STK32B: variants seen among roughly 807,000 people sequenced by gnomAD.
STK32B encodes serine/threonine-protein kinase 32B.
STK32B carries 43 observed loss-of-function variants against 52.6 expected under a neutral mutation model. The observed-to-expected ratio is 0.82, with a 90% CI of 0.64 to 1.05. The LOEUF is 1.05. STK32B is among the 50% of genes least tolerant of loss of function. STK32B has a pLI of 0.00. For synonymous variants in STK32B, 238 were observed against 204.3 expected (o/e 1.17, Z -1.41); for missense variants, 621 against 534.6 (o/e 1.16, Z -1.59).
the STK32B span, among the ~76,000 whole-genome samples, chr4:5,029,424 C>G: frequency 6.6e-6 from 1 of 152,134 alleles, no homozygotes; most frequent in African/African-American, 2.4e-5. Context: ...AACATTCAAC[C>G]CAGTGTTGCT....
rs552064515 is a variant in STK32B, at chr4:5,188,005, C to T, written c.260+19555C>T. On this transcript the variant is annotated intron_variant, in intron 3 of 11. Coordinates refer to ENST00000282908, the MANE Select transcript of STK32B (RefSeq NM_018401.3). ...TACCCCTTGAAAGCCTCAGTTTCCT[C>T]GTGTAGGGCGCGCCTACAGCTCCCT... 7.2e-5 allele frequency among the ~76,000 whole-genome samples: 11 copies of T among 152,242 alleles called. No individual in the cohort carries two copies. The South Asian group carries it at 8.3e-4, about 11-fold the overall frequency.
At chr4:5,147,569 G>C (rs996099574) in intron 2 of STK32B, among the ~76,000 whole-genome samples, 5 of 151,984 alleles carry the variant, frequency 3.3e-5, no homozygotes, top group Non-Finnish European at 5.9e-5. Context: ...GTTTTTCAGA[G>C]ATGCTCTTTA....
chr4:5,164,934 T>G lies in STK32B; in HGVS notation c.109-3365T>G, dbSNP rs572062414. 1.2e-4 allele frequency among the ~76,000 whole-genome samples: 19 copies of G among 152,350 alleles called. No individual in the cohort carries two copies. The South Asian group carries it at 3.5e-3, about 28-fold the overall frequency. On this transcript the variant is annotated intron_variant, in intron 2 of 11. Transcript: ENST00000282908. ...CTCCTGGTCAGGTTAATTAAGCTGT[T>G]GTTACCAACCCTTCTTGGTCAGTGA... is the stretch of plus-strand genomic sequence containing the variant.
At chr4:5,430,267 C>G (rs1713461565) in intron 6 of STK32B, among the ~76,000 whole-genome samples, 1 of 152,198 alleles carries the variant, frequency 6.6e-6, no homozygotes, top group African/African-American at 2.4e-5. Context: ...ATGCCCTCTT[C>G]TCCCCATCCC....
intron 5 of STK32B, among the ~76,000 whole-genome samples, chr4:5,407,298 A>C (rs1043247902): frequency 6.6e-6 from 1 of 152,116 alleles, no homozygotes; most frequent in Non-Finnish European, 1.5e-5. Flanking sequence ...CATTTTGGTC[A>C]CAATTTAACA....
At position 5,159,690 on chromosome 4, in the gene STK32B, TATATGA is replaced by T. The variant is rs1718252142; in HGVS notation, c.109-8604_109-8599del. On this transcript the variant is annotated intron_variant, in intron 2 of 11. Transcript: ENST00000282908. The stretch of plus-strand genomic sequence containing the variant: ...ATGTATATGAATATATATATGAATA[TATATGA>T]ATATATATGAATATATATATGAATG... Among the ~76,000 whole-genome samples the T allele has an allele frequency of 2.7e-5, 3 of 113,188 alleles. 1 individual carries two copies. The Admixed American group carries it at 3.0e-4, about 11-fold the overall frequency. The allele number at this position is 113,188 out of a possible 152,430, so 74.3% of individuals were successfully genotyped here.
chr4:5,240,978 G>T (rs558582162), intron 3 of STK32B, among the ~76,000 whole-genome samples: 3 of 151,976 alleles, frequency 2.0e-5, no homozygotes, highest in Admixed American at 2.0e-4. Context: ...AGTTCTTTTT[G>T]TAAGTCCTTC....
chr4:5,435,732 A>G lies in STK32B; in HGVS notation c.563-10941A>G, dbSNP rs979550216. On this transcript the variant is annotated intron_variant, in intron 6 of 11. Transcript: ENST00000282908. Reference sequence around the variant, plus strand: ...GGGGATGAGGCACCAGAGAGAACACAACACTCTCTGCCCTCAAGGAGCTTG... The same window carrying G: ...GGGGATGAGGCACCAGAGAGAACACGACACTCTCTGCCCTCAAGGAGCTTG... The G allele has an allele frequency of 5.3e-5, 8 of 152,314 alleles. 1 individual carries two copies. The East Asian group carries it at 7.7e-4, about 15-fold the overall frequency. 9.4% of individuals were successfully genotyped at this position (152,314 alleles called of 1,614,324 possible).
intron 3 of STK32B, among the ~76,000 whole-genome samples, chr4:5,312,247 C>T (rs11726504): frequency 7.4e-6 from 1 of 135,990 alleles, no homozygotes; most frequent in South Asian, 2.2e-4. Context: ...GGTTTTACCG[C>T]TTACGTTTAG....
chr4:5,126,807 A>C (rs1243423812), intron 1 of STK32B, among the ~76,000 whole-genome samples: 1 of 152,238 alleles, frequency 6.6e-6, no homozygotes, highest in Non-Finnish European at 1.5e-5. Context: ...TGTAATATCT[A>C]AAACATGGCC....
At chr4:5,289,231 A>G (rs1042602503) in intron 3 of STK32B, among the ~76,000 whole-genome samples, 1 of 152,218 alleles carries the variant, frequency 6.6e-6, no homozygotes, top group African/African-American at 2.4e-5. Context: ...TTATGTATCT[A>G]AACATAGAAA....
chr4:5,441,331 T>C (rs1289338332), intron 6 of STK32B, among the ~76,000 whole-genome samples: 2 of 151,510 alleles, frequency 1.3e-5, no homozygotes, highest in Non-Finnish European at 3.0e-5. Context: ...GGTTTAGTCT[T>C]GGGAGAGTGT....
intron 3 of STK32B, among the ~76,000 whole-genome samples, chr4:5,270,043 G>C (rs1465210799): frequency 6.6e-6 from 1 of 152,164 alleles, no homozygotes; most frequent in African/African-American, 2.4e-5. Flanking sequence ...AGAAACATTT[G>C]ATAAAATCCA....
chr4:5,202,774 C>T (rs1316769033), intron 3 of STK32B, among the ~76,000 whole-genome samples: 2 of 152,246 alleles, frequency 1.3e-5, no homozygotes, highest in Admixed American at 1.3e-4. Context: ...TCATTGGTTC[C>T]ATCCCCTCAT....
intron 5 of STK32B, among the ~76,000 whole-genome samples, chr4:5,409,399 T>A (rs924559081): frequency 2.0e-5 from 3 of 152,090 alleles, no homozygotes; most frequent in Non-Finnish European, 4.4e-5. Context: ...CTAATTGTGA[T>A]TAATATGATT....
chr4:5,138,155 T>C (rs1716184583), intron 1 of STK32B, among the ~76,000 whole-genome samples: 1 of 152,110 alleles, frequency 6.6e-6, no homozygotes. Context: ...TGAAAGGAAA[T>C]AAATCTAAAT....
At chr4:5,125,620 A>G (rs73089686) in intron 1 of STK32B, among the ~76,000 whole-genome samples, 2,459 of 152,272 alleles carry the variant, frequency 0.016, 70 homozygotes, top group African/African-American at 0.056. Flanking sequence ...TTTGGAAGCT[A>G]CTGGGCCAAA....
At chr4:5,202,090 A>G (rs1347560139) in intron 3 of STK32B, among the ~76,000 whole-genome samples, 2 of 152,224 alleles carry the variant, frequency 1.3e-5, no homozygotes, top group Admixed American at 1.3e-4. Context: ...TGAGCCTGTA[A>G]AATCAAAAGC....
chr4:5,220,384 G>T (rs1297600006), intron 3 of STK32B, among the ~76,000 whole-genome samples: 2 of 152,200 alleles, frequency 1.3e-5, no homozygotes, highest in Admixed American at 6.5e-5. Flanking sequence ...TGTGATGAGT[G>T]CTAAGATAGA....
Sources: allele counts gnomAD v4.1 joint callset (sites outside exome capture counted in the v4.1 genomes callset), GRCh38; gene constraint gnomAD v4.1.1; transcripts MANE v1.5; gene names NCBI Gene and HGNC (gene_info 2026-07-23, HGNC 2026-07-21).